Variants in CHL1 observed in about 807,000 individuals in gnomAD.
The protein encoded by CHL1 is neural cell adhesion molecule L1-like protein.
A neutral mutation model predicts 141.9 loss-of-function variants in CHL1; 96 were observed. That is an observed-to-expected ratio of 0.68 (90% confidence interval 0.57 to 0.80). The LOEUF is 0.80. CHL1 is among the 30% of genes least tolerant of loss of function. The probability of loss-of-function intolerance (pLI) is 0.00; values close to 1 mark genes in which losing one functional copy is unlikely to be tolerated. For synonymous variants in CHL1, 613 were observed against 502.2 expected, an observed-to-expected ratio of 1.22 and a Z score of -2.95; for missense variants, 1,820 against 1,457.2, an observed-to-expected ratio of 1.25 and a Z score of -4.05.
chr3:351,252 T>C (rs1703229544), intron 10 of CHL1, among the ~76,000 whole-genome samples: 1 of 152,244 alleles, frequency 6.6e-6, no homozygotes, highest in African/African-American at 2.4e-5. Flanking sequence ...CAAAGGAATA[T>C]AGATTTCCTG....
intron 1 of CHL1, among the ~76,000 whole-genome samples, chr3:199,939 T>G (rs1330234978): frequency 1.3e-5 from 2 of 152,172 alleles, no homozygotes; most frequent in East Asian, 3.8e-4. Context: ...GGTGTCAGAT[T>G]TGAAGGAATG....
chr3:296,001 C>CA (rs11427399), intron 2 of CHL1, among the ~76,000 whole-genome samples: 4,106 of 148,606 alleles, frequency 0.028, 174 homozygotes, highest in African/African-American at 0.088. Context: ...AACTCCCTCT[C>CA]AAAAAAAAAA....
At chr3:324,762 AT>A (rs894302334) in intron 3 of CHL1, among the ~76,000 whole-genome samples, 1 of 151,726 alleles carries the variant, frequency 6.6e-6, no homozygotes, top group East Asian at 1.9e-4. Context: ...TAATTTTTAC[AT>A]TTTTTTGTAG....
At chr3:366,775 A>G (rs1004578124) in intron 15 of CHL1, among the ~76,000 whole-genome samples, 1 of 151,672 alleles carries the variant, frequency 6.6e-6, no homozygotes, top group Non-Finnish European at 1.5e-5. Flanking sequence ...CTGCAGCTGC[A>G]ATCCAGGTGT....
At chr3:249,947 G>T (rs1488011382) in intron 2 of CHL1, among the ~76,000 whole-genome samples, 1 of 151,488 alleles carries the variant, frequency 6.6e-6, no homozygotes, top group African/African-American at 2.4e-5. Flanking sequence ...ACTAACAAAA[G>T]ACAGATTAAT....
chr3:369,058 G>T (rs1460453332), intron 15 of CHL1, among the ~76,000 whole-genome samples: 2 of 152,136 alleles, frequency 1.3e-5, no homozygotes, highest in African/African-American at 4.8e-5. Context: ...TTTTGCTTAG[G>T]ATTGTTTTGT....
intron 2 of CHL1, among the ~76,000 whole-genome samples, chr3:264,560 A>G (rs2125213826): frequency 6.6e-6 from 1 of 152,312 alleles, no homozygotes; most frequent in East Asian, 1.9e-4. Flanking sequence ...TATATTGTGG[A>G]CCTACTGTGT....
At chr3:390,885 A>C in intron 21 of CHL1, 69 bp downstream of exon 21, 1 of 1,522,342 alleles carries the variant, frequency 6.6e-7, no homozygotes. Flanking sequence ...AGAAGAATTG[A>C]TTTCAGAAGA....
At chr3:345,248 A>G (rs1306216520) in intron 9 of CHL1, among the ~76,000 whole-genome samples, 1 of 151,962 alleles carries the variant, frequency 6.6e-6, no homozygotes, top group Non-Finnish European at 1.5e-5. Flanking sequence ...TCTCTATGCT[A>G]TACTACTTGC....
chr3:394,892 C>G lies in CHL1; in HGVS notation c.3094+20C>G. ...AAGGGAGTAAGTACATGAGGCTTCT[C>G]TTTTTAATAGAGGCTTTAAAAAGAG... On this transcript the variant is annotated intron_variant, in intron 24 of 27. Transcript: ENST00000256509. The G allele has an allele frequency of 6.4e-7, 1 of 1,566,006 alleles. No homozygotes were observed. Among genetic ancestry groups the G allele is most frequent in the Non-Finnish European group, 8.6e-7 (1 of 1,159,492 alleles).
intron 2 of CHL1, among the ~76,000 whole-genome samples, chr3:264,044 T>C (rs1251884741): frequency 6.6e-6 from 1 of 152,226 alleles, no homozygotes; most frequent in Non-Finnish European, 1.5e-5. Context: ...CTTGGAGTTT[T>C]TTGTTTGACA....
chr3:336,906 G>A (rs550651979), intron 5 of CHL1, among the ~76,000 whole-genome samples: 1 of 152,310 alleles, frequency 6.6e-6, no homozygotes, highest in East Asian at 1.9e-4. Flanking sequence ...TAGCTTGTCT[G>A]TAGGGAAGTG....
intron 1 of CHL1, among the ~76,000 whole-genome samples, chr3:208,961 T>C (rs1398355516): frequency 1.3e-5 from 2 of 152,176 alleles, no homozygotes; most frequent in Non-Finnish European, 2.9e-5. Context: ...GCCAAAACAA[T>C]GCTTATTTTC....
intron 1 of CHL1, among the ~76,000 whole-genome samples, chr3:201,992 A>G (rs1029727436): frequency 6.6e-6 from 1 of 152,148 alleles, no homozygotes. Context: ...AAACTCTTAA[A>G]GTGTCTGGCA....
chr3:339,128 C>T (rs3773406), intron 5 of CHL1, among the ~76,000 whole-genome samples: 2 of 152,070 alleles, frequency 1.3e-5, no homozygotes, highest in African/African-American at 4.8e-5. Context: ...AACTACCCAA[C>T]AGCACCACTG....
At chr3:264,787 C>T (rs1031326258) in intron 2 of CHL1, among the ~76,000 whole-genome samples, 14 of 152,170 alleles carry the variant, frequency 9.2e-5, no homozygotes, top group African/African-American at 2.4e-4. Flanking sequence ...CTGTCTCTTT[C>T]GCAATGGACT....
At chr3:284,490 G>A (rs1277198952) in intron 2 of CHL1, among the ~76,000 whole-genome samples, 3 of 152,148 alleles carry the variant, frequency 2.0e-5, no homozygotes, top group Non-Finnish European at 4.4e-5. Flanking sequence ...GAAGTCTGAC[G>A]TTTTTTATTG....
intron 2 of CHL1, among the ~76,000 whole-genome samples, chr3:316,051 A>T (rs1406728781): frequency 6.6e-6 from 1 of 151,982 alleles, no homozygotes; most frequent in Admixed American, 6.6e-5. Context: ...CATAGTGTGC[A>T]GAAAAGGCTT....
chr3:272,629 G>A (rs73815812), intron 2 of CHL1, among the ~76,000 whole-genome samples: 1,864 of 152,280 alleles, frequency 0.012, 32 homozygotes, highest in African/African-American at 0.042. Flanking sequence ...TAGAAATACC[G>A]TAGAGTTGTT....
Sources: allele counts gnomAD v4.1 joint callset (sites outside exome capture counted in the v4.1 genomes callset), GRCh38; gene constraint gnomAD v4.1.1; transcripts MANE v1.5; gene names NCBI Gene and HGNC (gene_info 2026-07-23, HGNC 2026-07-21).